PCDHGB2: variants seen among roughly 807,000 people sequenced by gnomAD.
PCDHGB2 encodes the protein protocadherin gamma subfamily B, 2, also known as protocadherin gamma-B2.
PCDHGB2 carries 55 observed loss-of-function variants against 59.3 expected under a neutral mutation model. That is an observed-to-expected ratio of 0.93 (90% CI 0.75 to 1.16). PCDHGB2 has a LOEUF of 1.16. PCDHGB2 is among the 50% of genes most tolerant of loss of function. PCDHGB2 has a pLI of 0.00. For synonymous variants in PCDHGB2, 516 were observed against 512.0 expected, an observed-to-expected ratio of 1.01 and a Z score of -0.11; for missense variants, 1,228 against 1,198.5, an observed-to-expected ratio of 1.02 and a Z score of -0.36.
intron 1 of PCDHGB2, chr5:141,374,822 T>C: frequency 6.2e-7 from 1 of 1,613,984 alleles, no homozygotes; most frequent in Non-Finnish European, 8.5e-7. Context: ...TCAGCCTGTC[T>C]ACCGTGTAAG....
chr5:141,410,246 TCTGACCCCCAGG>T (rs2095371499), intron 1 of PCDHGB2: 2 of 1,614,004 alleles, frequency 1.2e-6, no homozygotes, highest in Admixed American at 3.3e-5. Flanking sequence ...CCCTGTACTC[TCTGACCCCCAGG>T]CTGAACTGCA....
At chr5:141,412,300 A>T (rs1422841541) in intron 1 of PCDHGB2, 2 of 152,248 alleles carry the variant, frequency 1.3e-5, no homozygotes, top group Non-Finnish European at 2.9e-5. Context: ...TTCTTTTCTC[A>T]TTACAATGCA....
At chr5:141,463,738 G>C (rs1002263384) in intron 1 of PCDHGB2, among the ~76,000 whole-genome samples, 1 of 151,978 alleles carries the variant, frequency 6.6e-6, no homozygotes, top group East Asian at 1.9e-4. Flanking sequence ...GAGCCACCGC[G>C]CCCGGCCTGC....
In PCDHGB2 at chr5:141,455,253, C is replaced by A. The variant is rs187877877; in HGVS notation, c.2422-39554C>A. 2.8e-3 allele frequency among the ~76,000 whole-genome samples: 433 copies of A among 151,986 alleles called. 1 individual carries two copies. Among genetic ancestry groups the A allele is most frequent in the Admixed American group, 0.021 (319 of 15,266 alleles). ...AAAATGTTAAAGGTCATAGTACAAT[C>A]GCATTTCTTCCCATTGATTATTAAC... is the stretch of plus-strand genomic sequence containing the variant. On this transcript the variant is annotated intron_variant, in intron 1 of 3. Coordinates refer to ENST00000522605, the MANE Select transcript of PCDHGB2 (RefSeq NM_018923.3).
intron 1 of PCDHGB2, chr5:141,383,457 C>T (rs1270613288): frequency 2.5e-6 from 4 of 1,613,734 alleles, no homozygotes; most frequent in Non-Finnish European, 3.4e-6. Flanking sequence ...AAAGTGGAGA[C>T]GATGAAACTA....
At chr5:141,368,650 G>GA (rs1765784574) in intron 1 of PCDHGB2, among the ~76,000 whole-genome samples, 1 of 152,076 alleles carries the variant, frequency 6.6e-6, no homozygotes, top group Non-Finnish European at 1.5e-5. Context: ...TTGTGCAATG[G>GA]AAAAATATCT....
intron 1 of PCDHGB2, among the ~76,000 whole-genome samples, chr5:141,455,776 A>G (rs1386162201): frequency 6.6e-6 from 1 of 152,186 alleles, no homozygotes. Context: ...GGGCTTTAAA[A>G]GAAACTTTTC....
intron 1 of PCDHGB2, chr5:141,423,138 C>G (rs767107885): frequency 1.2e-6 from 2 of 1,613,606 alleles, no homozygotes; most frequent in Non-Finnish European, 1.7e-6. Flanking sequence ...TGGACAGAGA[C>G]GCGCTCAAGC....
chr5:141,432,539 G>A lies in PCDHGB2; in HGVS notation c.2422-62268G>A. 2.5e-6 allele frequency: 4 copies of A among 1,614,038 alleles called. No individual in the cohort carries two copies. Among genetic ancestry groups the A allele is most frequent in the Non-Finnish European group, 3.4e-6 (4 of 1,180,022 alleles). ...CTACCTGGTGACCAAGGTGGTGGCG[G>A]TGGACAGAGACTCCGGCCAGAACGC... On this transcript the variant is annotated intron_variant, in intron 1 of 3. Transcript: ENST00000522605. The surrounding 1 kb of genome is among the most constrained non-coding windows in gnomAD (Gnocchi z 6.0).
intron 3 of PCDHGB2, among the ~76,000 whole-genome samples, chr5:141,506,454 A>G (rs2099853946): frequency 6.6e-6 from 1 of 151,844 alleles, no homozygotes; most frequent in African/African-American, 2.4e-5. Context: ...CAAAAAAAAA[A>G]AAAAAAAAAA....
At chr5:141,385,412 G>T in intron 1 of PCDHGB2, 1 of 1,472,506 alleles carries the variant, frequency 6.8e-7, no homozygotes, top group Admixed American at 2.7e-5. Context: ...TTGAAAATAG[G>T]GATTTAAAAA....
intron 1 of PCDHGB2, chr5:141,403,543 G>C (rs1228327431): frequency 1.2e-6 from 2 of 1,614,006 alleles, no homozygotes; most frequent in Non-Finnish European, 1.7e-6. Context: ...TGGTGCTGGA[G>C]CGCGCCCTGG....
At position 141,491,116 on chromosome 5, in the gene PCDHGB2, GGT is replaced by G. The variant is rs2099708409; in HGVS notation, c.2422-3689_2422-3688del. The G allele has an allele frequency of 1.2e-6, 2 of 1,614,178 alleles. No individual in the cohort carries two copies. Among genetic ancestry groups the G allele is most frequent in the Non-Finnish European group, 1.7e-6 (2 of 1,180,024 alleles). On this transcript the variant is annotated intron_variant, in intron 1 of 3. Transcript: ENST00000522605. This position sits in a 1 kb window ranked among gnomAD's most constrained non-coding sequence, Gnocchi z 6.9. Reference sequence around the variant, plus strand: ...ACTGTTCCTCGTGTCTACACACACTGGTGAGGTGCGCACAGCCCGGGCCTTAC... The same window carrying G: ...ACTGTTCCTCGTGTCTACACACACTGGAGGTGCGCACAGCCCGGGCCTTAC...
intron 1 of PCDHGB2, chr5:141,384,675 G>A: frequency 6.2e-7 from 1 of 1,614,216 alleles, no homozygotes; most frequent in Non-Finnish European, 8.5e-7. Flanking sequence ...CCAAGGTGGT[G>A]GCGGTGGACA....
At chr5:141,410,049 T>A in intron 1 of PCDHGB2, 1 of 1,613,184 alleles carries the variant, frequency 6.2e-7, no homozygotes, top group Admixed American at 1.7e-5. Flanking sequence ...GAGCCCGGAC[T>A]CTTCAGCCTG....
At chr5:141,426,004 C>T (rs573455573) in intron 1 of PCDHGB2, among the ~76,000 whole-genome samples, 10 of 152,264 alleles carry the variant, frequency 6.6e-5, no homozygotes, top group Non-Finnish European at 8.8e-5. Flanking sequence ...CAAAGGCTTC[C>T]GGCTGCAGTT....
chr5:141,505,618 A>G, intron 3 of PCDHGB2, 137 bp downstream of exon 3: 6 of 1,496,136 alleles, frequency 4.0e-6, no homozygotes, highest in Non-Finnish European at 5.4e-6. Flanking sequence ...GAAAGGACCC[A>G]CAATTCCAAA....
chr5:141,464,290 A>AC (rs1287070540), intron 1 of PCDHGB2, among the ~76,000 whole-genome samples: 1 of 149,916 alleles, frequency 6.7e-6, no homozygotes, highest in Non-Finnish European at 1.5e-5. Context: ...AAAAAAAAAA[A>AC]CTCCATTGTA....
chr5:141,453,214 A>T (rs1174586625), intron 1 of PCDHGB2, among the ~76,000 whole-genome samples: 2 of 152,058 alleles, frequency 1.3e-5, no homozygotes, highest in African/African-American at 4.8e-5. Flanking sequence ...CGTGCACTTA[A>T]GCGATCCTCC....
Sources: gnomAD v4.1 joint callset for allele counts (sites outside exome capture counted in the v4.1 genomes callset) on GRCh38, gnomAD v4.1.1 for gene constraint, Gnocchi (gnomAD v3.1) non-coding constraint, MANE v1.5 for transcripts, NCBI Gene and HGNC (gene_info 2026-07-23, HGNC 2026-07-21) for gene names.